Variants in PLCB4 observed in about 807,000 individuals in gnomAD.
The protein encoded by PLCB4 is phospholipase C beta 4.
PLCB4 carries 77 observed loss-of-function variants against 178.8 expected under a neutral mutation model. The observed-to-expected ratio is 0.43, with a 90% CI of 0.36 to 0.52. The LOEUF (loss-of-function observed/expected upper bound fraction) is 0.52. PLCB4 is among the 20% of genes least tolerant of loss of function. The pLI is 0.00. For synonymous variants in PLCB4, 496 were observed against 490.8 expected (o/e 1.01, Z -0.14); for missense variants, 1,024 against 1,453.4 (o/e 0.70, Z 4.80).
chr20:9,406,391 C>T (rs2057248047), intron 21 of PLCB4, among the ~76,000 whole-genome samples: 1 of 152,022 alleles, frequency 6.6e-6, no homozygotes, highest in South Asian at 2.1e-4. Flanking sequence ...AACCAAATTA[C>T]ATTACTTGAT....
chr20:9,155,075 G>A (rs918192258), intron 2 of PLCB4, among the ~76,000 whole-genome samples: 1 of 151,296 alleles, frequency 6.6e-6, no homozygotes, highest in Non-Finnish European at 1.5e-5. Flanking sequence ...GTACTTAATA[G>A]GTAGTTTTTT....
chr20:9,399,714 T>G (rs551195902), intron 19 of PLCB4, among the ~76,000 whole-genome samples: 1 of 152,342 alleles, frequency 6.6e-6, no homozygotes, highest in Admixed American at 6.5e-5. Context: ...CTTAAGGTGG[T>G]TAGTAAGTCT....
chr20:9,360,357 A>C (rs2148220792), intron 7 of PLCB4, among the ~76,000 whole-genome samples: 1 of 152,350 alleles, frequency 6.6e-6, no homozygotes, highest in Middle Eastern at 3.4e-3. Flanking sequence ...TATGTTCAAA[A>C]GATGAATGAA....
Position 9,387,494 on chromosome 20 carries a change from G to T in PLCB4, c.1096G>T (p.Gly366Cys), listed in dbSNP as rs1276054365. The change falls in exon 15 of 40, where the codon GGT (glycine) becomes TGT (cysteine). Residue 366 changes from glycine to cysteine, a missense_variant. By Grantham distance (159) the Gly-to-Cys change is radical (BLOSUM62 -3). Transcript: ENST00000378473. ...CVELDCWDGK[G>C]EDQEPIITHG... is the part of the protein sequence containing the mutation. ...TGAACTTGACTGCTGGGATGGAAAA[G>T]GTGAAGACCAAGAACCAATAATAAC... 3 of 1,598,620 alleles carry T rather than the reference G, an allele frequency of 1.9e-6. No homozygotes were observed. The highest frequency in any genetic ancestry group is 3.4e-5 in the Admixed American group (2 of 59,276).
At chr20:9,255,931 CAT>C (rs138284966) in intron 3 of PLCB4, among the ~76,000 whole-genome samples, 5,313 of 150,018 alleles carry the variant, frequency 0.035, 335 homozygotes, top group African/African-American at 0.12. Flanking sequence ...TATTGCATAA[CAT>C]ATATATATAT....
intron 2 of PLCB4, among the ~76,000 whole-genome samples, chr20:9,101,771 T>C (rs2091162244): frequency 6.6e-6 from 1 of 152,164 alleles, no homozygotes; most frequent in Admixed American, 6.5e-5. Flanking sequence ...CTAGTGTTGC[T>C]TACAGATAGG....
chr20:9,371,915 A>G (rs16995800), intron 10 of PLCB4, among the ~76,000 whole-genome samples: 15,052 of 152,264 alleles, frequency 0.099, 1,814 homozygotes, highest in African/African-American at 0.28. Flanking sequence ...ATGGTCTTGC[A>G]AAAATTCACA....
chr20:9,377,183 C>G (rs1004194062), intron 12 of PLCB4, among the ~76,000 whole-genome samples: 1 of 152,188 alleles, frequency 6.6e-6, no homozygotes, highest in Non-Finnish European at 1.5e-5. Context: ...TACTGGAGTT[C>G]TCTTCATCTC....
At chr20:9,421,035 A>G (rs2040594696) in intron 26 of PLCB4, among the ~76,000 whole-genome samples, 1 of 150,984 alleles carries the variant, frequency 6.6e-6, no homozygotes, top group Admixed American at 6.6e-5. Context: ...TATTTGTATT[A>G]TGATTCATAT....
intron 2 of PLCB4, among the ~76,000 whole-genome samples, chr20:9,194,246 T>A (rs2093440530): frequency 6.6e-6 from 1 of 152,222 alleles, no homozygotes; most frequent in Non-Finnish European, 1.5e-5. Context: ...ATTGACTCAC[T>A]TTGTCTAATT....
At chr20:9,110,754 C>T (rs928705753) in intron 2 of PLCB4, among the ~76,000 whole-genome samples, 3 of 152,140 alleles carry the variant, frequency 2.0e-5, no homozygotes, top group Admixed American at 2.0e-4. Context: ...CAAATGTCCT[C>T]TTCACCAATG....
intron 2 of PLCB4, among the ~76,000 whole-genome samples, chr20:9,158,871 G>A (rs749707129): frequency 7.9e-5 from 12 of 152,120 alleles, no homozygotes; most frequent in Non-Finnish European, 1.5e-4. Flanking sequence ...TACTAGGAGA[G>A]TCTGTCTTAT....
chr20:9,298,147 A>G (rs2094660779), intron 3 of PLCB4, among the ~76,000 whole-genome samples: 1 of 152,090 alleles, frequency 6.6e-6, no homozygotes. Context: ...GAATGATAAC[A>G]CAAAGATACC....
intron 7 of PLCB4, among the ~76,000 whole-genome samples, chr20:9,359,662 T>G (rs1016388936): frequency 1.3e-5 from 2 of 152,154 alleles, no homozygotes; most frequent in Admixed American, 6.5e-5. Context: ...AGAAGTCATC[T>G]CAGGAGCGTG....
At chr20:9,317,733 TTAAAA>T (rs2094914648) in intron 4 of PLCB4, among the ~76,000 whole-genome samples, 1 of 152,126 alleles carries the variant, frequency 6.6e-6, no homozygotes, top group African/African-American at 2.4e-5. Flanking sequence ...GGCAATTAAA[TTAAAA>T]TATAAGTGTA....
At chr20:9,171,645 G>A (rs1444424740) in intron 2 of PLCB4, among the ~76,000 whole-genome samples, 1 of 152,166 alleles carries the variant, frequency 6.6e-6, no homozygotes, top group Non-Finnish European at 1.5e-5. Context: ...AGAGAGCCAT[G>A]TTTTAAGAAA....
At chr20:9,366,904 A>G (rs1028222853) in intron 9 of PLCB4, among the ~76,000 whole-genome samples, 1 of 152,244 alleles carries the variant, frequency 6.6e-6, no homozygotes, top group African/African-American at 2.4e-5. Context: ...ACCCAGAACT[A>G]CTGGGTGGAA....
Position 9,373,039 on chromosome 20 carries a change from C to T in PLCB4, c.687-8C>T. On this transcript the variant is annotated splice_region_variant and splice_polypyrimidine_tract_variant and intron_variant, in intron 11 of 39. Coordinates refer to ENST00000378473, the MANE Select transcript of PLCB4 (RefSeq NM_001377142.1). ...AAAACTTACTTTTTCTAATAAATTTCTTTTCAGCAATGGAGACAAAACTGA... is the reference window on the plus strand; with the variant it reads ...AAAACTTACTTTTTCTAATAAATTTTTTTTCAGCAATGGAGACAAAACTGA... The T allele has an allele frequency of 7.3e-7, 1 of 1,378,716 alleles. No homozygotes were observed. The highest frequency in any genetic ancestry group is 1.7e-5 in the Admixed American group (1 of 58,430). The allele number at this position is 1,378,716 out of a possible 1,614,324, so 85.4% of individuals were successfully genotyped here.
At chr20:9,342,276 C>T (rs940357318) in intron 7 of PLCB4, among the ~76,000 whole-genome samples, 7 of 152,022 alleles carry the variant, frequency 4.6e-5, no homozygotes, top group East Asian at 3.9e-4. Flanking sequence ...TACCTCAGTT[C>T]GAAATGATGG....
Sources: allele counts gnomAD v4.1 joint callset (sites outside exome capture counted in the v4.1 genomes callset), GRCh38; gene constraint gnomAD v4.1.1; transcripts MANE v1.5; gene names NCBI Gene and HGNC (gene_info 2026-07-23, HGNC 2026-07-21).